MNDA: variants seen among roughly 807,000 people sequenced by gnomAD.
MNDA encodes the protein myeloid cell nuclear differentiation antigen.
A neutral mutation model predicts 37.8 loss-of-function variants in MNDA; 43 were observed. The ratio of observed to expected loss-of-function variants is 1.14; its 90% CI spans 0.89 to 1.47. The LOEUF is 1.47. Ranked by LOEUF, MNDA falls within the 40% of genes most tolerant of loss-of-function variation. The pLI, the probability that MNDA is intolerant of heterozygous loss-of-function variation, is 0.00. For missense variants in MNDA, 536 were observed against 476.0 expected (o/e 1.13, Z -1.17); for synonymous variants, 181 against 169.0 (o/e 1.07, Z -0.55).
intron 1 of MNDA, among the ~76,000 whole-genome samples, chr1:158,841,641 A>C (rs1413683556): frequency 6.6e-6 from 1 of 152,102 alleles, no homozygotes; most frequent in Admixed American, 6.6e-5. Context: ...ACAACTCAGA[A>C]CTGTAGTGCT....
chr1:158,844,196 C>G, intron 4 of MNDA, 74 bp downstream of exon 4: 1 of 1,292,218 alleles, frequency 7.7e-7, no homozygotes, highest in South Asian at 1.7e-5. Context: ...ACTATTGTTA[C>G]TCTCATGCAT....
intron 1 of MNDA, among the ~76,000 whole-genome samples, chr1:158,832,368 A>G (rs1658821399): frequency 6.6e-6 from 1 of 151,834 alleles, no homozygotes; most frequent in Non-Finnish European, 1.5e-5. Context: ...TATGTTTGAA[A>G]AATCTAAATC....
intron 4 of MNDA, 42 bp downstream of exon 4, chr1:158,844,164 A>C: frequency 6.9e-7 from 1 of 1,451,934 alleles, no homozygotes; most frequent in Non-Finnish European, 9.2e-7. Context: ...TTTTTAACCC[A>C]GTCACAGTGC....
At chr1:158,831,818 A>G (rs1319386722) in intron 1 of MNDA, among the ~76,000 whole-genome samples, 2 of 152,168 alleles carry the variant, frequency 1.3e-5, no homozygotes, top group African/African-American at 4.8e-5. Context: ...GCATAAATTG[A>G]TATTTAGAGG....
At chr1:158,844,463 C>T (rs374515337) in intron 4 of MNDA, among the ~76,000 whole-genome samples, 2 of 150,466 alleles carry the variant, frequency 1.3e-5, no homozygotes, top group South Asian at 2.1e-4. Flanking sequence ...ACGTTCTCTT[C>T]AGAAAAGTAT....
At chr1:158,842,521 T>C in intron 2 of MNDA, 103 bp downstream of exon 2, 1 of 1,281,936 alleles carries the variant, frequency 7.8e-7, no homozygotes, top group East Asian at 2.3e-5. Context: ...TTCCAATTTA[T>C]AACTCAGCAG....
At chr1:158,832,693 CT>C (rs1234989010) in intron 1 of MNDA, among the ~76,000 whole-genome samples, 5 of 151,670 alleles carry the variant, frequency 3.3e-5, no homozygotes, top group Admixed American at 6.6e-5. Flanking sequence ...TGACTTAAGC[CT>C]ATTTTAAGCT....
intron 1 of MNDA, among the ~76,000 whole-genome samples, chr1:158,839,041 GTTT>G (rs1271747936): frequency 2.6e-5 from 4 of 152,110 alleles, no homozygotes; most frequent in African/African-American, 9.6e-5. Flanking sequence ...TAAGAGTGCT[GTTT>G]TAGTCTTTGA....
chr1:158,839,825 T>A (rs857868), intron 1 of MNDA, among the ~76,000 whole-genome samples: 37,519 of 152,148 alleles, frequency 0.25, 5,194 homozygotes, highest in Non-Finnish European at 0.31. Flanking sequence ...GTTTGGTTCA[T>A]AAATTGTTCT....
Position 158,831,535 on chromosome 1 carries a change from T to C in MNDA, c.-43T>C, listed in dbSNP as rs1351483213. 1 of 152,192 alleles carries C rather than the reference T, an allele frequency of 6.6e-6. No homozygotes were observed. Among genetic ancestry groups the C allele is most frequent in the Non-Finnish European group, 1.5e-5 (1 of 68,042 alleles). 9.4% of individuals were successfully genotyped at this position (152,192 alleles called of 1,614,324 possible). On this transcript the variant is annotated 5_prime_UTR_variant, in exon 1 of 7. Coordinates refer to ENST00000368141, the MANE Select transcript of MNDA (RefSeq NM_002432.3). ...GTGACTCCAGGATTTCTGAAGACTA[T>C]TGTGGAAGAAGCATCCATTAAGGTG...
intron 1 of MNDA, among the ~76,000 whole-genome samples, chr1:158,841,897 C>T (rs942515255): frequency 6.6e-6 from 1 of 152,130 alleles, no homozygotes; most frequent in Admixed American, 6.5e-5. Flanking sequence ...ATCATTTCAC[C>T]ACATACACCT....
chr1:158,843,721 G>A (rs1215240884), intron 3 of MNDA, among the ~76,000 whole-genome samples: 1 of 152,080 alleles, frequency 6.6e-6, no homozygotes, highest in Non-Finnish European at 1.5e-5. Context: ...CACCACAGTG[G>A]TGATAACAGT....
intron 1 of MNDA, among the ~76,000 whole-genome samples, chr1:158,837,951 A>G (rs1462227018): frequency 6.6e-6 from 1 of 151,682 alleles, no homozygotes; most frequent in Non-Finnish European, 1.5e-5. Flanking sequence ...TTAACTAATA[A>G]CAACTTAACT....
intron 6 of MNDA, 99 bp from the exon 7 acceptor site, chr1:158,849,091 A>G (rs1659199196): frequency 2.3e-6 from 2 of 854,202 alleles, no homozygotes; most frequent in Non-Finnish European, 3.7e-6. Flanking sequence ...TAATGTAGCC[A>G]ATGGGAAGAA....
Position 158,844,035 on chromosome 1 carries a change from C to T in MNDA, c.483C>T (p.Pro161=). 6.2e-7 allele frequency: 1 copy of T among 1,613,882 alleles called. No homozygotes were observed. The highest frequency in any genetic ancestry group is 2.2e-5 in the East Asian group (1 of 44,870). ...VSQEQSKPPG[P]SGASTSAAVD... ...AAGAGCAGAGTAAGCCCCCAGGTCC[C>T]TCAGGAGCCAGCACATCTGCAGCTG... The change falls in exon 4 of 7, where the codon CCC becomes CCT. Residue 161 remains proline, a synonymous_variant. Coordinates refer to ENST00000368141, the MANE Select transcript of MNDA (RefSeq NM_002432.3).
At chr1:158,848,089 A>G (rs1345871623) in intron 6 of MNDA, among the ~76,000 whole-genome samples, 173 bp downstream of exon 6, 2 of 152,206 alleles carry the variant, frequency 1.3e-5, no homozygotes, top group African/African-American at 4.8e-5. Flanking sequence ...TATTAAGGTA[A>G]AGGCATTCAT....
At chr1:158,839,546 G>T (rs912923378) in intron 1 of MNDA, among the ~76,000 whole-genome samples, 1 of 152,108 alleles carries the variant, frequency 6.6e-6, no homozygotes, top group Non-Finnish European at 1.5e-5. Context: ...TTCCATCAAT[G>T]CTCCAAGTCA....
intron 1 of MNDA, among the ~76,000 whole-genome samples, chr1:158,832,723 A>T (rs966838105): frequency 6.6e-6 from 1 of 151,946 alleles, no homozygotes; most frequent in Non-Finnish European, 1.5e-5. Context: ...TTTCCTAAAA[A>T]GTCTTTCTTT....
At chr1:158,845,532 G>T (rs1221581967) in intron 4 of MNDA, 55 bp from the exon 5 acceptor site, 4 of 1,537,766 alleles carry the variant, frequency 2.6e-6, no homozygotes, top group East Asian at 2.3e-5. Flanking sequence ...GAGCCACCGC[G>T]CCCGGCCTCC....
Sources: gnomAD v4.1 joint callset for allele counts (sites outside exome capture counted in the v4.1 genomes callset) on GRCh38, gnomAD v4.1.1 for gene constraint, MANE v1.5 for transcripts, NCBI Gene and HGNC (gene_info 2026-07-23, HGNC 2026-07-21) for gene names.